The following PPIE variants were observed in gnomAD, a reference collection of about 807,000 sequenced individuals.
PPIE encodes peptidyl-prolyl cis-trans isomerase E.
In PPIE, 20 loss-of-function variants were observed where a neutral mutation model predicts 38.4. That is an observed-to-expected ratio of 0.52 (90% CI 0.37 to 0.76). The LOEUF is 0.76. PPIE is among the 30% of genes least tolerant of loss of function. The pLI is 0.00. For missense variants in PPIE, 322 were observed against 385.8 expected (o/e 0.83, Z 1.39); for synonymous variants, 142 against 135.7 (o/e 1.05, Z -0.32).
chr1:39,741,475 C>T, intron 3 of PPIE, 66 bp downstream of exon 3: 1 of 1,559,126 alleles, frequency 6.4e-7, no homozygotes, highest in Non-Finnish European at 8.8e-7. Flanking sequence ...ACAAAGGAAG[C>T]TTTTCACCAT....
downstream of PPIE, chr1:39,757,684 A>G (rs974315889): frequency 6.6e-6 from 1 of 152,182 alleles, no homozygotes. Flanking sequence ...ATCTGGTGCA[A>G]CGAGATAAAC....
At chr1:39,741,497 T>G (rs497333) in intron 3 of PPIE, 88 bp downstream of exon 3, 937,315 of 1,444,598 alleles carry the variant, frequency 0.65, 305,887 homozygotes, top group Middle Eastern at 0.75. Flanking sequence ...TGGTTAGGTT[T>G]TTGGGCCTTA....
intron 7 of PPIE, 152 bp downstream of exon 7, chr1:39,745,650 A>G (rs1647184835): frequency 7.9e-7 from 1 of 1,263,914 alleles, no homozygotes. Flanking sequence ...CTAGTAACAG[A>G]TAAGTCAGAG....
intron 8 of PPIE, among the ~76,000 whole-genome samples, chr1:39,751,992 G>A (rs886588320): frequency 6.6e-6 from 1 of 152,100 alleles, no homozygotes; most frequent in African/African-American, 2.4e-5. Context: ...AGTCTCAGCC[G>A]CTTGGGAGTT....
Position 39,743,251 on chromosome 1 carries a change from C to T in PPIE, c.237C>T (p.Val79=), listed in dbSNP as rs746121455. 1 of 1,614,124 alleles carries T rather than the reference C, an allele frequency of 6.2e-7. No individual in the cohort carries two copies. Among genetic ancestry groups the T allele is most frequent in the Non-Finnish European group, 8.5e-7 (1 of 1,179,996 alleles). The part of the protein sequence containing the change: ...ESELFGRTIR[V]NLAKPMRIKE... ...AGCTTTTTGGACGTACAATTCGTGT[C>T]AATTTGGCCAAACCAATGAGAATTA... Residue 79 remains valine, a synonymous_variant, in exon 5 of 10, where the codon GTC becomes GTT. Transcript: ENST00000324379.
At chr1:39,746,781 A>T (rs771566689) in intron 7 of PPIE, 2 of 152,018 alleles carry the variant, frequency 1.3e-5, no homozygotes, top group Non-Finnish European at 1.5e-5. Flanking sequence ...GGACTCATCT[A>T]TTTTGTTTTC....
chr1:39,741,917 A>G lies in PPIE; in HGVS notation c.197A>G (p.Asn66Ser), dbSNP rs1236674644. The change falls in exon 4 of 10, where the codon AAC (asparagine) becomes AGC (serine). Residue 66 changes from asparagine (N) to serine (S), a missense_variant. Transcript: ENST00000324379. ...LAEDAAAAID[N>S]MNESELFGRT... ...CAGGATGCTGCAGCAGCTATCGACAACATGGTATGGCTGGGAATCTTAATT... is the reference window on the plus strand; with the variant it reads ...CAGGATGCTGCAGCAGCTATCGACAGCATGGTATGGCTGGGAATCTTAATT... 2 of 1,614,216 alleles carry G rather than the reference A, an allele frequency of 1.2e-6. No individual in the cohort carries two copies. The highest frequency in any genetic ancestry group is 1.7e-5 in the Admixed American group (1 of 60,030).
In PPIE at chr1:39,755,438, T is replaced by TAC; in HGVS notation, c.*2084_*2085dup. ...GTTCAGGCTCCATGTAGCTGGGATA[T>TAC]ACTACATGGTTACCCCTCACCCCTA... On this transcript the variant is annotated 3_prime_UTR_variant, in exon 10 of 10. Transcript: ENST00000324379. 5.1e-6 allele frequency: 5 copies of TAC among 985,424 alleles called. No homozygotes were observed. Among genetic ancestry groups the TAC allele is most frequent in the Admixed American group, 6.1e-5 (1 of 16,280 alleles). 61.0% of individuals were successfully genotyped at this position (985,424 alleles called of 1,614,324 possible). A position where few individuals can be genotyped will look rare whatever the true frequency, so the allele number is the denominator to read the frequency against.
chr1:39,743,786 CA>C, intron 5 of PPIE, 37 bp from the exon 6 acceptor site: 1 of 1,554,250 alleles, frequency 6.4e-7, no homozygotes, highest in Non-Finnish European at 8.9e-7. Flanking sequence ...TTCAAGCTGA[CA>C]GCTTGAATGA....
chr1:39,760,462 C>T (rs41267039), downstream of PPIE: 26,454 of 1,614,126 alleles, frequency 0.016, 282 homozygotes, highest in Non-Finnish European at 0.02. Context: ...GCGGTGCTTG[C>T]GCAGGATGAC....
chr1:39,761,120 A>T (rs126819), downstream of PPIE: 6,213 of 155,104 alleles, frequency 0.04, 390 homozygotes, highest in African/African-American at 0.14. Context: ...TCCACTCCCC[A>T]GGCTCAGCTT....
chr1:39,752,608 G>A (rs987852150), intron 8 of PPIE, among the ~76,000 whole-genome samples: 1 of 152,170 alleles, frequency 6.6e-6, no homozygotes, highest in Admixed American at 6.5e-5. Context: ...ACCAGAGCTT[G>A]GACTATGTTC....
chr1:39,745,215 C>T (rs150395712), intron 6 of PPIE, among the ~76,000 whole-genome samples, 160 bp from the exon 7 acceptor site: 1 of 152,308 alleles, frequency 6.6e-6, no homozygotes, highest in East Asian at 1.9e-4. Context: ...GGCCATGGCT[C>T]CTGCCTCCTG....
In PPIE at chr1:39,756,418, A is replaced by G. The variant is rs1301478149; in HGVS notation, c.*3063A>G. 1.0e-6 allele frequency: 1 copy of G among 985,306 alleles called. No individual in the cohort carries two copies. Among genetic ancestry groups the G allele is most frequent in the African/African-American group, 1.7e-5 (1 of 57,222 alleles). The allele number at this position is 985,306 out of a possible 1,614,324, so 61.0% of individuals were successfully genotyped here. The stretch of plus-strand genomic sequence containing the variant: ...TGAGTCCCCACATGCTGGCCCTGAA[A>G]CGGTTACAAAGGCTGAAACCAGGGA... On this transcript the variant is annotated 3_prime_UTR_variant, in exon 10 of 10. Coordinates refer to ENST00000324379, the MANE Select transcript of PPIE (RefSeq NM_006112.4).
chr1:39,759,641 T>TGA (rs1410889460), downstream of PPIE: 2 of 152,260 alleles, frequency 1.3e-5, no homozygotes, highest in African/African-American at 4.8e-5. Context: ...TCCACAGAGC[T>TGA]GAGCTCCTGG....
intron 7 of PPIE, chr1:39,747,320 G>GT (rs1431184791): frequency 1.3e-5 from 2 of 152,096 alleles, no homozygotes; most frequent in African/African-American, 4.8e-5. Flanking sequence ...ATATGCCTAG[G>GT]AATGGAAATG....
At chr1:39,749,579 A>AG (rs1178665806) in intron 8 of PPIE, among the ~76,000 whole-genome samples, 2 of 152,000 alleles carry the variant, frequency 1.3e-5, no homozygotes, top group African/African-American at 2.4e-5. Flanking sequence ...TCACTTCTGA[A>AG]GCCCTCATAT....
At chr1:39,740,314 A>G in intron 2 of PPIE, 51 bp downstream of exon 2, 1 of 1,447,950 alleles carries the variant, frequency 6.9e-7, no homozygotes, top group Non-Finnish European at 9.6e-7. Context: ...AAAATACCTT[A>G]AAAAATTAAA....
intron 2 of PPIE, among the ~76,000 whole-genome samples, chr1:39,740,742 T>C (rs1647036664): frequency 6.6e-6 from 1 of 152,236 alleles, no homozygotes; most frequent in East Asian, 1.9e-4. Flanking sequence ...TCTGTTTACC[T>C]TTGTTGTCAT....
Sources: allele counts gnomAD v4.1 joint callset (sites outside exome capture counted in the v4.1 genomes callset), GRCh38; gene constraint gnomAD v4.1.1; transcripts MANE v1.5; gene names NCBI Gene and HGNC (gene_info 2026-07-23, HGNC 2026-07-21).